CYP11A1: variants seen among roughly 807,000 people sequenced by gnomAD.
CYP11A1 encodes cytochrome P450 family 11 subfamily A member 1.
In CYP11A1, 25 loss-of-function variants were observed where a neutral mutation model predicts 51.9. The ratio of observed to expected loss-of-function variants is 0.48; its 90% CI spans 0.35 to 0.67. The LOEUF is 0.67. Ranked by LOEUF, CYP11A1 falls within the 30% of genes least tolerant of loss-of-function variation. CYP11A1 has a pLI of 0.00. For missense variants in CYP11A1, 578 were observed against 680.9 expected, an observed-to-expected ratio of 0.85 and a Z score of 1.68; for synonymous variants, 245 against 262.1, an observed-to-expected ratio of 0.93 and a Z score of 0.63.
intron 5 of CYP11A1, among the ~76,000 whole-genome samples, chr15:74,340,715 A>G (rs146952370): frequency 1.2e-4 from 18 of 152,242 alleles, no homozygotes; most frequent in Non-Finnish European, 1.8e-4. Context: ...AAACTGAAAC[A>G]ACACACAGCT....
At chr15:74,364,882 T>A (rs796836904) in intron 1 of CYP11A1, among the ~76,000 whole-genome samples, 1 of 152,104 alleles carries the variant, frequency 6.6e-6, no homozygotes, top group Non-Finnish European at 1.5e-5. Flanking sequence ...GCACTCAACC[T>A]TGAATAGGGT....
chr15:74,364,467 A>C (rs1345590995), intron 1 of CYP11A1: 1 of 152,126 alleles, frequency 6.6e-6, no homozygotes, highest in East Asian at 1.9e-4. Flanking sequence ...CATCCTCTCC[A>C]TTTACATAAG....
In CYP11A1 at chr15:74,339,253, T is replaced by A. The variant is rs2060594492; in HGVS notation, c.1220A>T (p.Tyr407Phe). The A allele has an allele frequency of 6.8e-6, 11 of 1,614,002 alleles. No homozygotes were observed. The highest frequency in any genetic ancestry group is 9.3e-6 in the Non-Finnish European group (11 of 1,179,858). The part of the protein sequence containing the change: ...YLVNDLVLRD[Y>F]MIPAKTLVQV... ...TGCACCTACCTTGGCAGGAATCATG[T>A]AATCTCGAAGAACCAAGTCATTTAC... Residue 407 changes from tyrosine (Y) to phenylalanine (F), a missense_variant, in exon 7 of 9, where the codon TAC (tyrosine) becomes TTC (phenylalanine). Physicochemically the swap from Tyr to Phe is conservative, Grantham distance 22. Coordinates refer to ENST00000268053, the MANE Select transcript of CYP11A1 (RefSeq NM_000781.3).
At chr15:74,362,105 A>T in intron 1 of CYP11A1, 1 of 1,024,972 alleles carries the variant, frequency 9.8e-7, no homozygotes, top group Non-Finnish European at 1.5e-6. Context: ...TCAGGACAGC[A>T]CCCTCCACCC....
At chr15:74,340,555 G>A (rs1444885044) in intron 5 of CYP11A1, among the ~76,000 whole-genome samples, 3 of 152,068 alleles carry the variant, frequency 2.0e-5, no homozygotes, top group Non-Finnish European at 4.4e-5. Context: ...CTCCTGGCAG[G>A]GGCAACAATG....
intron 2 of CYP11A1, among the ~76,000 whole-genome samples, chr15:74,346,368 A>G (rs1567053539): frequency 1.4e-5 from 2 of 145,112 alleles, no homozygotes; most frequent in African/African-American, 5.0e-5. Flanking sequence ...AAAAAAAAAA[A>G]AAAAAGAAAG....
intron 1 of CYP11A1, chr15:74,366,968 G>A (rs1205472009): frequency 9.9e-6 from 3 of 301,706 alleles, no homozygotes; most frequent in South Asian, 3.6e-5. Context: ...CGCCCACCTC[G>A]GCCTCCCAAA....
chr15:74,353,385 C>T (rs1271124174), intron 1 of CYP11A1, among the ~76,000 whole-genome samples: 1 of 152,120 alleles, frequency 6.6e-6, no homozygotes, highest in Non-Finnish European at 1.5e-5. Context: ...TGTAAAAATG[C>T]ATTGGCAGTT....
intron 2 of CYP11A1, 144 bp downstream of exon 2, chr15:74,347,756 G>A (rs1292018714): frequency 6.8e-5 from 49 of 724,756 alleles, no homozygotes; most frequent in Non-Finnish European, 1.2e-5. Flanking sequence ...TTTTAGGGAG[G>A]CAGGAAAATG....
chr15:74,349,744 A>G (rs564410991), intron 1 of CYP11A1, among the ~76,000 whole-genome samples: 12 of 150,706 alleles, frequency 8.0e-5, no homozygotes, highest in South Asian at 6.3e-4. Flanking sequence ...AGAACCCGCG[A>G]AAAAAAAAAT....
intron 1 of CYP11A1, chr15:74,362,395 A>C: frequency 5.1e-6 from 1 of 195,168 alleles, no homozygotes. Flanking sequence ...AAGCTTTCCC[A>C]TGCAAGAGGG....
chr15:74,367,236 G>T, intron 1 of CYP11A1, 81 bp downstream of exon 1: 1 of 1,512,210 alleles, frequency 6.6e-7, no homozygotes, highest in Non-Finnish European at 9.2e-7. Context: ...ACAGCCTGTT[G>T]GGGGAGTGGG....
At chr15:74,361,065 G>A (rs2060706346) in intron 1 of CYP11A1, among the ~76,000 whole-genome samples, 2 of 152,102 alleles carry the variant, frequency 1.3e-5, no homozygotes, top group African/African-American at 2.4e-5. Flanking sequence ...CATCATTTTG[G>A]CAAAATAAAT....
intron 1 of CYP11A1, among the ~76,000 whole-genome samples, chr15:74,357,396 C>T (rs1567056612): frequency 6.6e-6 from 1 of 152,222 alleles, no homozygotes; most frequent in Non-Finnish European, 1.5e-5. Flanking sequence ...GCTCTCCCTG[C>T]TGATCACGTC....
chr15:74,349,471 G>A (rs1366427765), intron 1 of CYP11A1, among the ~76,000 whole-genome samples: 1 of 152,054 alleles, frequency 6.6e-6, no homozygotes, highest in Non-Finnish European at 1.5e-5. Flanking sequence ...TGAGTTTCAG[G>A]CCTTCACTTG....
At chr15:74,363,558 T>C (rs1191732588) in intron 1 of CYP11A1, 1 of 152,202 alleles carries the variant, frequency 6.6e-6, no homozygotes, top group East Asian at 1.9e-4. Flanking sequence ...ATGGGGACCT[T>C]GGGTAAGGAG....
rs1046646548 is a variant in CYP11A1, at chr15:74,339,746, A to G, written c.998T>C (p.Met333Thr). Residue 333 changes from methionine (M) to threonine (T), a missense_variant, in exon 6 of 9, where the codon ATG becomes ACG. Transcript: ENST00000268053. ...CTCATACAAGTGCCACTGCAGGGTCATGGACGTCTGGTGGGGAGTAGGGTA... is the reference window on the plus strand; with the variant it reads ...CTCATACAAGTGCCACTGCAGGGTCGTGGACGTCTGGTGGGGAGTAGGGTA... The part of the protein sequence containing the change: ...MLAGGVDTTS[M>T]TLQWHLYEMA... 1 of 1,614,134 alleles carries G rather than the reference A, an allele frequency of 6.2e-7. No individual in the cohort carries two copies. Among genetic ancestry groups the G allele is most frequent in the East Asian group, 2.2e-5 (1 of 44,890 alleles).
chr15:74,367,571 A>G lies in CYP11A1; in HGVS notation c.15T>C (p.Gly5=), dbSNP rs185518723. The G allele has an allele frequency of 9.3e-6, 15 of 1,613,606 alleles. No homozygotes were observed. Among genetic ancestry groups the G allele is most frequent in the Non-Finnish European group, 8.5e-7 (1 of 1,179,926 alleles). ...TGACCAGGACTGAGCGTGGGGGAAG[A>G]CCCTTGGCCAGCATGCTGTCCCCAC... The part of the protein sequence containing the change: MLAK[G]LPPRSVLVKG... Residue 5 remains glycine, a synonymous_variant, in exon 1 of 9, where the codon GGT becomes GGC. Transcript: ENST00000268053.
chr15:74,366,182 C>T lies in CYP11A1; in HGVS notation c.269+1135G>A, dbSNP rs2060732358. The T allele has an allele frequency of 3.0e-6, 3 of 985,288 alleles. No homozygotes were observed. The East Asian group carries it at 3.4e-4, about 112-fold the overall frequency. The allele number at this position is 985,288 out of a possible 1,614,324, so 61.0% of individuals were successfully genotyped here. A position where few individuals can be genotyped will look rare whatever the true frequency, so the allele number is the denominator to read the frequency against. ...ATAGCGCGGCCCGGGCGGCGGCGTG[C>T]GCTGGGAGGAATGCTGGGTCTGTCG... On this transcript the variant is annotated intron_variant, in intron 1 of 8. Transcript: ENST00000268053.
Sources: allele counts gnomAD v4.1 joint callset (sites outside exome capture counted in the v4.1 genomes callset), GRCh38; gene constraint gnomAD v4.1.1; transcripts MANE v1.5; gene names NCBI Gene and HGNC (gene_info 2026-07-23, HGNC 2026-07-21).